CYSRT1: variants seen among roughly 807,000 people sequenced by gnomAD.
CYSRT1 encodes the protein cysteine rich tail 1.
CYSRT1 carries 7 observed loss-of-function variants against 6.2 expected under a neutral mutation model. That is an observed-to-expected ratio of 1.13 (90% confidence interval 0.64 to 2.13). CYSRT1 has a LOEUF of 2.13. Among genes scored for constraint, CYSRT1 ranks in the 30% most tolerant of loss-of-function variants. The pLI, the probability that CYSRT1 is intolerant of heterozygous loss-of-function variation, is 0.00. For synonymous variants in CYSRT1, 75 were observed against 83.1 expected, an observed-to-expected ratio of 0.90 and a Z score of 0.53; for missense variants, 188 against 196.4, an observed-to-expected ratio of 0.96 and a Z score of 0.26.
rs1445638072 is a variant in CYSRT1 at position 137,225,875 on chromosome 9, A to G, written c.254A>G (p.Gln85Arg). The G allele has an allele frequency of 1.9e-6, 3 of 1,545,666 alleles. No individual in the cohort carries two copies. The highest frequency in any genetic ancestry group is 1.4e-5 in the African/African-American group (1 of 73,044). ...CCCATCCAGAACCAGCAGGCCTGGCAGCAGCCTGGCAACCCCTACAGCAGC... is the reference window on the plus strand; with the variant it reads ...CCCATCCAGAACCAGCAGGCCTGGCGGCAGCCTGGCAACCCCTACAGCAGC... ...AAPIQNQQAWQQPGNPYSSSQ... is the reference protein window; with the variant it reads ...AAPIQNQQAWRQPGNPYSSSQ... The change falls in exon 2 of 2, where the codon CAG becomes CGG. Residue 85 changes from glutamine (Q) to arginine (R), a missense_variant. Coordinates refer to ENST00000650725, the MANE Select transcript of CYSRT1 (RefSeq NM_199001.5).
chr9:137,226,057 C>T lies in CYSRT1; in HGVS notation c.*1C>T. On this transcript the variant is annotated 3_prime_UTR_variant, in exon 2 of 2. Coordinates refer to ENST00000650725, the MANE Select transcript of CYSRT1 (RefSeq NM_199001.5). ...CTGCTGCTGCTGTGTCATCTCCTAG[C>T]CCAGCCCACCCTGCCAGGGCCAGGA... The T allele has an allele frequency of 6.5e-7, 1 of 1,545,740 alleles. No individual in the cohort carries two copies. Among genetic ancestry groups the T allele is most frequent in the South Asian group, 1.2e-5 (1 of 83,852 alleles).
Position 137,225,188 on chromosome 9 carries a change from A to G in CYSRT1, c.-54A>G, listed in dbSNP as rs1453733251. The G allele has an allele frequency of 6.4e-7, 1 of 1,550,428 alleles. No homozygotes were observed. The highest frequency in any genetic ancestry group is 1.2e-5 in the South Asian group (1 of 84,066). ...TCGCTCAACTCAGGCACTGGGACCT[A>G]GAGCTCAGAAGACCGAGAGGACAGA... On this transcript the variant is annotated 5_prime_UTR_variant, in exon 1 of 2. Coordinates refer to ENST00000650725, the MANE Select transcript of CYSRT1 (RefSeq NM_199001.5).
At chr9:137,225,413 T>G (rs1295313692) in intron 1 of CYSRT1, among the ~76,000 whole-genome samples, 180 bp downstream of exon 1, 1 of 152,256 alleles carries the variant, frequency 6.6e-6, no homozygotes, top group African/African-American at 2.4e-5. Context: ...CCCTTGCTGC[T>G]TGCTCACACT....
rs1385135491 is a variant in CYSRT1 at position 137,226,062 on chromosome 9, C to T, written c.*6C>T. ...GCTGCTGTGTCATCTCCTAGCCCAG[C>T]CCACCCTGCCAGGGCCAGGACCCAG... is the stretch of plus-strand genomic sequence containing the variant. On this transcript the variant is annotated 3_prime_UTR_variant, in exon 2 of 2. Transcript: ENST00000650725. 10 of 1,544,274 alleles carry T rather than the reference C, an allele frequency of 6.5e-6. No individual in the cohort carries two copies. The highest frequency in any genetic ancestry group is 8.7e-6 in the Non-Finnish European group (10 of 1,143,598).
rs980378123 is a variant in CYSRT1, at chr9:137,225,688, C to T, written c.67C>T (p.Arg23Trp). 9.7e-6 allele frequency: 15 copies of T among 1,550,434 alleles called. No individual in the cohort carries two copies. The highest frequency in any genetic ancestry group is 3.9e-5 in the Admixed American group (2 of 51,008). The change falls in exon 2 of 2, where the codon CGG becomes TGG. Residue 23 changes from arginine (R) to tryptophan (W), a missense_variant. By Grantham distance (101) the Arg-to-Trp change is moderately radical. Coordinates refer to ENST00000650725, the MANE Select transcript of CYSRT1 (RefSeq NM_199001.5). ...CATCAGCATCCCCCGGGCTCACCTGCGGCCTGACCTGGGGCAGCAGTTAGA... is the reference window on the plus strand; with the variant it reads ...CATCAGCATCCCCCGGGCTCACCTGTGGCCTGACCTGGGGCAGCAGTTAGA... ...AHISIPRAHL[R>W]PDLGQQLEVA...
intron 1 of CYSRT1, 83 bp from the exon 2 acceptor site, chr9:137,225,530 TG>T: frequency 6.8e-7 from 1 of 1,462,910 alleles, no homozygotes. Context: ...CTGCTCCTGG[TG>T]GGGGCTTTCC....
chr9:137,225,676 C>A lies in CYSRT1; in HGVS notation c.55C>A (p.Arg19=). The A allele has an allele frequency of 6.4e-7, 1 of 1,550,470 alleles. No homozygotes were observed. Among genetic ancestry groups the A allele is most frequent in the South Asian group, 1.2e-5 (1 of 84,066 alleles). Residue 19 remains arginine (R), a synonymous_variant, in exon 2 of 2, where the codon CGG becomes AGG. Coordinates refer to ENST00000650725, the MANE Select transcript of CYSRT1 (RefSeq NM_199001.5). ...CCCATATGCCCACATCAGCATCCCC[C>A]GGGCTCACCTGCGGCCTGACCTGGG... is the stretch of plus-strand genomic sequence containing the variant. The part of the protein sequence containing the change: ...KNPYAHISIP[R]AHLRPDLGQQ...
chr9:137,225,680 C>T lies in CYSRT1; in HGVS notation c.59C>T (p.Ala20Val). 6 of 1,550,450 alleles carry T rather than the reference C, an allele frequency of 3.9e-6. No individual in the cohort carries two copies. The highest frequency in any genetic ancestry group is 5.2e-6 in the Non-Finnish European group (6 of 1,146,960). The change falls in exon 2 of 2, where the codon GCT becomes GTT. Residue 20 changes from alanine to valine, a missense_variant. By Grantham distance (64) the Ala-to-Val change is moderately conservative. Transcript: ENST00000650725. ...TATGCCCACATCAGCATCCCCCGGG[C>T]TCACCTGCGGCCTGACCTGGGGCAG... The part of the protein sequence containing the change: ...NPYAHISIPR[A>V]HLRPDLGQQL...
chr9:137,226,308 C>A lies in CYSRT1; in HGVS notation c.*252C>A. On this transcript the variant is annotated 3_prime_UTR_variant, in exon 2 of 2. Coordinates refer to ENST00000650725, the MANE Select transcript of CYSRT1 (RefSeq NM_199001.5). ...GGCAATAAAGCAGGGTGATCTTCCTCCCAGCAATTCTTCTTTGCTGCAGGC... is the reference window on the plus strand; with the variant it reads ...GGCAATAAAGCAGGGTGATCTTCCTACCAGCAATTCTTCTTTGCTGCAGGC... 3 of 649,952 alleles carry A rather than the reference C, an allele frequency of 4.6e-6. No homozygotes were observed. The highest frequency in any genetic ancestry group is 2.6e-6 in the Non-Finnish European group (1 of 387,348). 40.3% of individuals were successfully genotyped at this position (649,952 alleles called of 1,614,324 possible).
Position 137,225,778 on chromosome 9 carries a change from G to C in CYSRT1, c.157G>C (p.Glu53Gln). Residue 53 changes from glutamate to glutamine, a missense_variant, in exon 2 of 2, where the codon GAG becomes CAG. Glu to Gln is a conservative substitution (Grantham distance 29). Transcript: ENST00000650725. ...QPLPVGPCAP[E>Q]PTHLLQPTEV... ...CCTGCCAGTGGGGCCCTGTGCCCCA[G>C]AGCCAACCCACCTCTTGCAGCCGAC... The C allele has an allele frequency of 6.5e-7, 1 of 1,549,946 alleles. No individual in the cohort carries two copies. Among genetic ancestry groups the C allele is most frequent in the Non-Finnish European group, 8.7e-7 (1 of 1,146,852 alleles).
chr9:137,225,342 G>C (rs962681082), intron 1 of CYSRT1, 109 bp downstream of exon 1: 7 of 1,162,476 alleles, frequency 6.0e-6, no homozygotes, highest in Admixed American at 2.3e-5. Context: ...TCCATCCCAG[G>C]ACCAATGCCA....
Position 137,225,890 on chromosome 9 carries a change from C to T in CYSRT1, c.269C>T (p.Pro90Leu), listed in dbSNP as rs1279489244. 6.5e-7 allele frequency: 1 copy of T among 1,545,628 alleles called. No individual in the cohort carries two copies. The highest frequency in any genetic ancestry group is 8.7e-7 in the Non-Finnish European group (1 of 1,146,786). Reference protein sequence around the residue: ...NQQAWQQPGNPYSSSQRQAGL... With the variant: ...NQQAWQQPGNLYSSSQRQAGL... ...CAGGCCTGGCAGCAGCCTGGCAACC[C>T]CTACAGCAGCAGTCAGCGCCAGGCC... is the stretch of plus-strand genomic sequence containing the variant. The change falls in exon 2 of 2, where the codon CCC becomes CTC. Residue 90 changes from proline to leucine, a missense_variant. Coordinates refer to ENST00000650725, the MANE Select transcript of CYSRT1 (RefSeq NM_199001.5).
In CYSRT1 at chr9:137,226,073, A is replaced by G. The variant is rs757355836; in HGVS notation, c.*17A>G. 5.9e-5 allele frequency: 91 copies of G among 1,542,898 alleles called. No homozygotes were observed. In the African/African-American group the frequency reaches 1.1e-3, roughly 18 times the overall value. ...ATCTCCTAGCCCAGCCCACCCTGCC[A>G]GGGCCAGGACCCAGACTTCAGCAAA... On this transcript the variant is annotated 3_prime_UTR_variant, in exon 2 of 2. Transcript: ENST00000650725.
In CYSRT1 at chr9:137,226,241, G is replaced by C. The variant is rs1728332746; in HGVS notation, c.*185G>C. On this transcript the variant is annotated 3_prime_UTR_variant, in exon 2 of 2. Coordinates refer to ENST00000650725, the MANE Select transcript of CYSRT1 (RefSeq NM_199001.5). ...CCGAGCTCCTGAAACGGAATCCCAG[G>C]TCCTGGCTGGAGAGGGACACCCCTG... 8.6e-7 allele frequency: 1 copy of C among 1,167,530 alleles called. No individual in the cohort carries two copies. The highest frequency in any genetic ancestry group is 2.7e-5 in the East Asian group (1 of 37,040). 72.3% of individuals were successfully genotyped at this position (1,167,530 alleles called of 1,614,324 possible).
In CYSRT1 at chr9:137,226,131, C is replaced by T; in HGVS notation, c.*75C>T. On this transcript the variant is annotated 3_prime_UTR_variant, in exon 2 of 2. Transcript: ENST00000650725. ...CACACAGTGCCGGGACATGCCGGGA[C>T]ATGCGGGGTGGCTGTTGTCATGGGC... 1 of 1,501,096 alleles carries T rather than the reference C, an allele frequency of 6.7e-7. No individual in the cohort carries two copies. The highest frequency in any genetic ancestry group is 9.0e-7 in the Non-Finnish European group (1 of 1,115,152). 93.0% of individuals were successfully genotyped at this position (1,501,096 alleles called of 1,614,324 possible).
At position 137,225,919 on chromosome 9, in the gene CYSRT1, C is replaced by G; in HGVS notation, c.298C>G (p.Leu100Val). 2 of 1,546,318 alleles carry G rather than the reference C, an allele frequency of 1.3e-6. No homozygotes were observed. The highest frequency in any genetic ancestry group is 1.7e-6 in the Non-Finnish European group (2 of 1,146,446). ...CAGCAGCAGTCAGCGCCAGGCCGGA[C>G]TGACCTACGCTGGCCCTCCGCCCGC... ...PYSSSQRQAG[L>V]TYAGPPPAGR... is the part of the protein sequence containing the mutation. The change falls in exon 2 of 2, where the codon CTG (leucine) becomes GTG (valine). Residue 100 changes from leucine to valine, a missense_variant. Transcript: ENST00000650725.
In CYSRT1 at chr9:137,226,187, C is replaced by G; in HGVS notation, c.*131C>G. The G allele has an allele frequency of 6.9e-7, 1 of 1,444,154 alleles. No individual in the cohort carries two copies. Among genetic ancestry groups the G allele is most frequent in the South Asian group, 1.5e-5 (1 of 68,906 alleles). The allele number at this position is 1,444,154 out of a possible 1,614,324, so 89.5% of individuals were successfully genotyped here. On this transcript the variant is annotated 3_prime_UTR_variant, in exon 2 of 2. Transcript: ENST00000650725. ...CCCCTTCACACCAGGCACTGGGGCT[C>G]AGACCCACCAGGAAGGTGGCCGTTC...
chr9:137,225,578 T>G (rs1395218486), intron 1 of CYSRT1, 36 bp from the exon 2 acceptor site: 1 of 1,519,224 alleles, frequency 6.6e-7, no homozygotes, highest in East Asian at 2.5e-5. Flanking sequence ...CCCACTCCAC[T>G]GAGTTCATGT....
At chr9:137,225,294 C>A in intron 1 of CYSRT1, 61 bp downstream of exon 1, 1 of 1,344,276 alleles carries the variant, frequency 7.4e-7, no homozygotes, top group South Asian at 1.3e-5. Flanking sequence ...CAGCCCCCTT[C>A]TCTCCCATCT....
Sources: gnomAD v4.1 joint callset for allele counts (sites outside exome capture counted in the v4.1 genomes callset) on GRCh38, gnomAD v4.1.1 for gene constraint, MANE v1.5 for transcripts, NCBI Gene and HGNC (gene_info 2026-07-23, HGNC 2026-07-21) for gene names.